GALNT17: variants seen among roughly 807,000 people sequenced by gnomAD.
GALNT17 encodes the protein UDP-GalNAc:polypeptide N-acetylgalactosaminyltransferase-like 3.
In GALNT17, 29 loss-of-function variants were observed where a neutral mutation model predicts 63.7. The ratio of observed to expected loss-of-function variants is 0.46; its 90% confidence interval spans 0.34 to 0.62. The LOEUF is 0.62. GALNT17 is among the 20% of genes least tolerant of loss of function. GALNT17 has a pLI of 0.01. For missense variants in GALNT17, 603 were observed against 799.6 expected, an observed-to-expected ratio of 0.75 and a Z score of 2.97; for synonymous variants, 305 against 318.3, an observed-to-expected ratio of 0.96 and a Z score of 0.45.
intron 2 of GALNT17, among the ~76,000 whole-genome samples, chr7:71,377,107 TA>T (rs1237223835): frequency 5.4e-4 from 31 of 57,734 alleles, no homozygotes; most frequent in African/African-American, 1.6e-3. Context: ...AAAATAAAAA[TA>T]AAAAAAATAT....
At chr7:71,501,287 C>T (rs1426390409) in intron 5 of GALNT17, among the ~76,000 whole-genome samples, 1 of 151,914 alleles carries the variant, frequency 6.6e-6, no homozygotes, top group African/African-American at 2.4e-5. Flanking sequence ...TTTTTTGAGA[C>T]AGGGTCTCTT....
At chr7:71,414,174 G>A (rs1040073903) in intron 3 of GALNT17, among the ~76,000 whole-genome samples, 5 of 152,184 alleles carry the variant, frequency 3.3e-5, no homozygotes, top group African/African-American at 1.2e-4. Context: ...CCAGGAGGTG[G>A]AGGTTGCAGT....
At chr7:71,601,120 CATCATATATAT>C (rs546176034) in intron 6 of GALNT17, among the ~76,000 whole-genome samples, 63 of 151,962 alleles carry the variant, frequency 4.1e-4, no homozygotes, top group African/African-American at 1.4e-3. Context: ...CGTAGTATTC[CATCATATATAT>C]ATCATATATA....
intron 9 of GALNT17, among the ~76,000 whole-genome samples, chr7:71,686,913 G>A (rs1248901454): frequency 6.6e-6 from 1 of 152,086 alleles, no homozygotes; most frequent in African/African-American, 2.4e-5. Context: ...AGATTTCGAC[G>A]GGCACTCTTT....
In GALNT17 at chr7:71,413,151, CTTAGGTGTTTTTTGGTGTGGTATT is replaced by C. The variant is rs993202830; in HGVS notation, c.590-2733_590-2710del. Among the ~76,000 whole-genome samples, 510 of 152,276 alleles carry C rather than the reference CTTAGGTGTTTTTTGGTGTGGTATT, an allele frequency of 3.3e-3. 7 individuals carry two copies. Among genetic ancestry groups the C allele is most frequent in the African/African-American group, 0.012 (494 of 41,558 alleles). ...TCATCTAAGTAGATCCAATTTTTCACTTAGGTGTTTTTTGGTGTGGTATTTTAGAATAGTGAGAGCTCACGTCCA... is the reference window on the plus strand; with the variant it reads ...TCATCTAAGTAGATCCAATTTTTCACTTAGAATAGTGAGAGCTCACGTCCA... On this transcript the variant is annotated intron_variant, in intron 3 of 10. Coordinates refer to ENST00000333538, the MANE Select transcript of GALNT17 (RefSeq NM_022479.3).
intron 1 of GALNT17, among the ~76,000 whole-genome samples, chr7:71,317,918 A>C (rs758573339): frequency 1.3e-4 from 19 of 151,716 alleles, no homozygotes; most frequent in Non-Finnish European, 2.6e-4. Flanking sequence ...TTTATTATTC[A>C]TAATTTTTGG....
rs547979784 is a variant in GALNT17 at position 71,387,328 on chromosome 7, T to G, written c.423-907T>G. Among the ~76,000 whole-genome samples, 47 of 148,336 alleles carry G rather than the reference T, an allele frequency of 3.2e-4. 4 individuals are homozygous for G. Among genetic ancestry groups the G allele is most frequent in the East Asian group, 2.7e-3 (13 of 4,838 alleles). ...ACATCAGTTCCTGGTGTTCTTTTTT[T>G]GGGGGGCGGGGAGGGGGAACAGGGT... is the stretch of plus-strand genomic sequence containing the variant. On this transcript the variant is annotated intron_variant, in intron 2 of 10. Transcript: ENST00000333538.
At chr7:71,542,668 C>T (rs1788912578) in intron 5 of GALNT17, among the ~76,000 whole-genome samples, 1 of 138,658 alleles carries the variant, frequency 7.2e-6, no homozygotes, top group Non-Finnish European at 1.5e-5. Context: ...TGTACTCCAG[C>T]CTGAGCGACA....
At chr7:71,169,548 G>T (rs1438228052) in intron 1 of GALNT17, among the ~76,000 whole-genome samples, 1 of 152,208 alleles carries the variant, frequency 6.6e-6, no homozygotes, top group East Asian at 1.9e-4. Flanking sequence ...TTTTTATATA[G>T]TTTGCTGCAC....
intron 6 of GALNT17, among the ~76,000 whole-genome samples, chr7:71,619,332 G>T (rs1433261138): frequency 6.6e-6 from 1 of 152,214 alleles, no homozygotes; most frequent in African/African-American, 2.4e-5. Context: ...CGTGAAGAAT[G>T]ACATTGGTTG....
At chr7:71,197,656 G>A (rs1789079921) in intron 1 of GALNT17, among the ~76,000 whole-genome samples, 1 of 151,940 alleles carries the variant, frequency 6.6e-6, no homozygotes, top group Admixed American at 6.6e-5. Flanking sequence ...GAGTTCAACT[G>A]TTTCAATTTT....
intron 2 of GALNT17, among the ~76,000 whole-genome samples, chr7:71,348,531 C>G (rs1305394859): frequency 6.6e-6 from 1 of 152,164 alleles, no homozygotes; most frequent in East Asian, 1.9e-4. Context: ...CAGTGTCAAC[C>G]TTGTCCTGTT....
chr7:71,609,240 C>CT (rs1429057765), intron 6 of GALNT17, among the ~76,000 whole-genome samples: 1 of 152,172 alleles, frequency 6.6e-6, no homozygotes, highest in Non-Finnish European at 1.5e-5. Flanking sequence ...TTTGTCTGGA[C>CT]TTGTCTGTGT....
intron 1 of GALNT17, among the ~76,000 whole-genome samples, chr7:71,258,067 G>A (rs945283504): frequency 3.9e-5 from 6 of 152,148 alleles, no homozygotes; most frequent in African/African-American, 1.4e-4. Flanking sequence ...GATGGATCAG[G>A]GAACCCAAAG....
chr7:71,630,599 A>G (rs966312277), intron 6 of GALNT17, among the ~76,000 whole-genome samples: 1 of 152,200 alleles, frequency 6.6e-6, no homozygotes, highest in Admixed American at 6.5e-5. Flanking sequence ...CAATGTTTGC[A>G]TGGAATGTAA....
At chr7:71,292,704 TGTGTGTGTTG>T (rs1791005415) in intron 1 of GALNT17, among the ~76,000 whole-genome samples, 1 of 140,424 alleles carries the variant, frequency 7.1e-6, no homozygotes, top group Non-Finnish European at 1.6e-5. Flanking sequence ...TGTGTGTGTG[TGTGTGTGTTG>T]GGCAGATTTA....
At chr7:71,445,518 T>A (rs1787146616) in intron 5 of GALNT17, among the ~76,000 whole-genome samples, 1 of 151,228 alleles carries the variant, frequency 6.6e-6, no homozygotes, top group African/African-American at 2.4e-5. Context: ...TTCAACATGG[T>A]CATGAGGAAG....
At chr7:71,239,314 T>A (rs545648573) in intron 1 of GALNT17, among the ~76,000 whole-genome samples, 1,451 of 144,406 alleles carry the variant, frequency 0.01, 21 homozygotes, top group African/African-American at 0.036. Context: ...CAAAAAAAAA[T>A]AAATAAAAAT....
chr7:71,670,880 C>CTGTGTG (rs142043206), intron 8 of GALNT17, among the ~76,000 whole-genome samples: 7,937 of 84,538 alleles, frequency 0.094, 507 homozygotes, highest in African/African-American at 0.16. Context: ...GGCCTCCGGA[C>CTGTGTG]TGTGTGTGTG....
Sources: gnomAD v4.1 joint callset for allele counts (sites outside exome capture counted in the v4.1 genomes callset) on GRCh38, gnomAD v4.1.1 for gene constraint, MANE v1.5 for transcripts, NCBI Gene and HGNC (gene_info 2026-07-23, HGNC 2026-07-21) for gene names.